The following IQCH variants were observed in gnomAD, a reference collection of about 807,000 sequenced individuals.
The protein encoded by IQCH is IQ motif containing H.
In IQCH, 98 loss-of-function variants were observed where a neutral mutation model predicts 117.0. The observed-to-expected ratio is 0.84, with a 90% confidence interval of 0.71 to 0.99. IQCH has a LOEUF of 0.99. Ranked by LOEUF, IQCH falls within the 50% of genes least tolerant of loss-of-function variation. IQCH has a pLI of 0.00. For missense variants in IQCH, 1,102 were observed against 1,243.8 expected (o/e 0.89, Z 1.72); for synonymous variants, 412 against 448.2 (o/e 0.92, Z 1.02).
chr15:67,327,658 G>A (rs551490530), intron 4 of IQCH, among the ~76,000 whole-genome samples: 1 of 152,318 alleles, frequency 6.6e-6, no homozygotes, highest in South Asian at 2.1e-4. Context: ...TCTTATTCAA[G>A]TAGGCAGTTA....
rs1190534471 is a variant in IQCH, at chr15:67,356,973, A to G, written c.638-372A>G. Among the ~76,000 whole-genome samples, 1 of 152,094 alleles carries G rather than the reference A, an allele frequency of 6.6e-6. No homozygotes were observed. Among genetic ancestry groups the G allele is most frequent in the East Asian group, 1.9e-4 (1 of 5,194 alleles). On this transcript the variant is annotated intron_variant, in intron 6 of 20. Coordinates refer to ENST00000335894, the MANE Select transcript of IQCH (RefSeq NM_001031715.3). This position sits in a 1 kb window ranked among gnomAD's most constrained non-coding sequence, Gnocchi z 5.3. ...TCCATATGTAGCTATGTTAAATCAC[A>G]TTTTACATGAACCTGGGAATCTGGC... is the stretch of plus-strand genomic sequence containing the variant.
In IQCH at chr15:67,417,017, G is replaced by C. The variant is rs759039728; in HGVS notation, c.2184G>C (p.Thr728=). The change falls in exon 15 of 21, where the codon ACG becomes ACC. Residue 728 remains threonine (T), a synonymous_variant. Coordinates refer to ENST00000335894, the MANE Select transcript of IQCH (RefSeq NM_001031715.3). This position sits in a 1 kb window ranked among gnomAD's most constrained non-coding sequence, Gnocchi z 4.3. ...CAGTCAATGAGAAACGGTTCCCGAC[G>C]TGGAGGAAATTCCTCCAAACATTTC... The part of the protein sequence containing the change: ...AQPVNEKRFP[T]WRKFLQTFLS... The C allele has an allele frequency of 2.5e-6, 4 of 1,609,770 alleles. No individual in the cohort carries two copies. Among genetic ancestry groups the C allele is most frequent in the Non-Finnish European group, 3.4e-6 (4 of 1,178,134 alleles).
rs755969974 is a variant in IQCH, at chr15:67,372,602, A to G, written c.1245A>G (p.Leu415=). 6.8e-6 allele frequency: 11 copies of G among 1,613,898 alleles called. No homozygotes were observed. Among genetic ancestry groups the G allele is most frequent in the South Asian group, 2.2e-5 (2 of 91,004 alleles). Residue 415 remains leucine, a synonymous_variant, in exon 9 of 21, where the codon CTA becomes CTG. Coordinates refer to ENST00000335894, the MANE Select transcript of IQCH (RefSeq NM_001031715.3). ...TGTTATATTGCCATAAGACTCGACT[A>G]AAGAAGATACTAAAGGAATCACGTC... ...AWLLYCHKTR[L]KKILKESRQR...
rs1596503320 is a variant in IQCH at position 67,496,757 on chromosome 15, G to A, written c.2970+2391G>A. ...GTATCGGCCGGGCACGGTGGCTCAC[G>A]CCTGTAATCCCAGCACTTTGGGAGG... On this transcript the variant is annotated intron_variant, in intron 20 of 20. Transcript: ENST00000335894. This position sits in a 1 kb window ranked among gnomAD's most constrained non-coding sequence, Gnocchi z 4.4. Among the ~76,000 whole-genome samples the A allele has an allele frequency of 1.3e-5, 2 of 151,932 alleles. No homozygotes were observed. Among genetic ancestry groups the A allele is most frequent in the Non-Finnish European group, 2.9e-5 (2 of 67,970 alleles).
rs2081448855 is a variant in IQCH at position 67,411,468 on chromosome 15, G to T, written c.2098-5463G>T. ...TTCACTCTCCAGTCCTTCATGTAGG[G>T]ATGTCAGAAAGCATCTAGAAATCAG... On this transcript the variant is annotated intron_variant, in intron 14 of 20. Transcript: ENST00000335894. The surrounding 1 kb of genome is among the most constrained non-coding windows in gnomAD (Gnocchi z 4.4). Among the ~76,000 whole-genome samples the T allele has an allele frequency of 6.6e-6, 1 of 152,198 alleles. No individual in the cohort carries two copies. Among genetic ancestry groups the T allele is most frequent in the South Asian group, 2.1e-4 (1 of 4,828 alleles).
chr15:67,298,411 C>T (rs143175642), intron 4 of IQCH, among the ~76,000 whole-genome samples: 230 of 151,904 alleles, frequency 1.5e-3, no homozygotes, highest in African/African-American at 5.4e-3. Flanking sequence ...CAAATCAAAA[C>T]TACAATGAGA....
chr15:67,489,981 T>G (rs778135658), intron 18 of IQCH, 22 bp from the exon 19 acceptor site: 1 of 1,518,346 alleles, frequency 6.6e-7, no homozygotes, highest in Non-Finnish European at 9.1e-7. Flanking sequence ...CTATTTCTTT[T>G]CTCCCCATTC....
At chr15:67,361,323 A>G (rs956451281) in intron 8 of IQCH, among the ~76,000 whole-genome samples, 1 of 152,134 alleles carries the variant, frequency 6.6e-6, no homozygotes, top group Admixed American at 6.5e-5. Flanking sequence ...CTCTGTTCCT[A>G]ATGTCTTAAG....
At chr15:67,389,464 T>A (rs1434377421) in intron 12 of IQCH, among the ~76,000 whole-genome samples, 1 of 152,114 alleles carries the variant, frequency 6.6e-6, no homozygotes, top group Admixed American at 6.5e-5. Flanking sequence ...TGGTTCCTAA[T>A]GAACAATGTT....
intron 5 of IQCH, among the ~76,000 whole-genome samples, chr15:67,338,195 A>ATATC (rs1968977948): frequency 8.8e-6 from 1 of 113,700 alleles, no homozygotes; most frequent in South Asian, 2.7e-4. Context: ...ATGAATCGAT[A>ATATC]TATCTGTCTG....
intron 10 of IQCH, among the ~76,000 whole-genome samples, chr15:67,378,168 CA>C (rs1020828719): frequency 1.4e-4 from 22 of 152,142 alleles, no homozygotes; most frequent in African/African-American, 4.8e-4. Context: ...CATTTGTGAA[CA>C]GGGGCAGAGT....
chr15:67,376,028 C>T lies in IQCH; in HGVS notation c.1372+2595C>T, dbSNP rs1970725211. Reference sequence around the variant, plus strand: ...TCTGGAACCCCTGACCTCAAGTGATCCACCAGCCTCGGCCTCCCAAAGTGC... The same window carrying T: ...TCTGGAACCCCTGACCTCAAGTGATTCACCAGCCTCGGCCTCCCAAAGTGC... On this transcript the variant is annotated intron_variant, in intron 10 of 20. Coordinates refer to ENST00000335894, the MANE Select transcript of IQCH (RefSeq NM_001031715.3). The surrounding 1 kb of genome is among the most constrained non-coding windows in gnomAD (Gnocchi z 5.0). Among the ~76,000 whole-genome samples the T allele has an allele frequency of 2.0e-5, 3 of 152,084 alleles. No individual in the cohort carries two copies. The highest frequency in any genetic ancestry group is 1.3e-4 in the Admixed American group (2 of 15,268).
chr15:67,365,559 G>C lies in IQCH; in HGVS notation c.753+5674G>C, dbSNP rs1970302966. ...TCTTGGGGTTTATATTTTAGTGAGAGAGGCAATAATCAGATATTTAATATA... is the reference window on the plus strand; with the variant it reads ...TCTTGGGGTTTATATTTTAGTGAGACAGGCAATAATCAGATATTTAATATA... On this transcript the variant is annotated intron_variant, in intron 8 of 20. Transcript: ENST00000335894. The surrounding 1 kb of genome is among the most constrained non-coding windows in gnomAD (Gnocchi z 4.4). Among the ~76,000 whole-genome samples the C allele has an allele frequency of 6.6e-6, 1 of 152,122 alleles. No individual in the cohort carries two copies. The highest frequency in any genetic ancestry group is 2.4e-5 in the African/African-American group (1 of 41,416).
rs1162201808 is a variant in IQCH at position 67,456,976 on chromosome 15, A to G, written c.2506-8151A>G. ...GCTGTGATTTAAGTCATGCCCAAAA[A>G]GATGAGTAGGATTAACAGAGACAGA... On this transcript the variant is annotated intron_variant, in intron 16 of 20. Transcript: ENST00000335894. The surrounding 1 kb of genome is among the most constrained non-coding windows in gnomAD (Gnocchi z 5.1). Among the ~76,000 whole-genome samples the G allele has an allele frequency of 1.3e-5, 2 of 152,310 alleles. No individual in the cohort carries two copies. Among genetic ancestry groups the G allele is most frequent in the African/African-American group, 4.8e-5 (2 of 41,568 alleles).
At chr15:67,319,877 CATACAT>C (rs1168576338) in intron 4 of IQCH, among the ~76,000 whole-genome samples, 1 of 152,214 alleles carries the variant, frequency 6.6e-6, no homozygotes, top group Non-Finnish European at 1.5e-5. Context: ...CTCTTACACA[CATACAT>C]ACACATACAA....
intron 16 of IQCH, among the ~76,000 whole-genome samples, chr15:67,455,285 G>A (rs1168628779): frequency 6.6e-6 from 1 of 152,068 alleles, no homozygotes; most frequent in Non-Finnish European, 1.5e-5. Flanking sequence ...TCCTCTCTAG[G>A]AATTTCCCAA....
rs1413741961 is a variant in IQCH, at chr15:67,497,353, C to G, written c.2970+2987C>G. On this transcript the variant is annotated intron_variant, in intron 20 of 20. Coordinates refer to ENST00000335894, the MANE Select transcript of IQCH (RefSeq NM_001031715.3). ...AAAAAGAAAGAAAGAAAAGAAAATC[C>G]TAAAGAACCCATCAACAAGTTTATA... is the stretch of plus-strand genomic sequence containing the variant. 3.9e-5 allele frequency among the ~76,000 whole-genome samples: 6 copies of G among 151,900 alleles called. No individual in the cohort carries two copies. The East Asian group carries it at 9.7e-4, about 24-fold the overall frequency.
At chr15:67,439,161 A>C (rs993381812) in intron 16 of IQCH, among the ~76,000 whole-genome samples, 1 of 152,252 alleles carries the variant, frequency 6.6e-6, no homozygotes, top group Non-Finnish European at 1.5e-5. Flanking sequence ...ATAGGCCATA[A>C]AACGAGCCTC....
intron 5 of IQCH, among the ~76,000 whole-genome samples, chr15:67,340,447 A>AC (rs1268065699): frequency 2.7e-3 from 397 of 146,340 alleles, no homozygotes; most frequent in Non-Finnish European, 3.9e-3. Context: ...AAAAAAAAAA[A>AC]AAAAAAAAAA....
Sources: gnomAD v4.1 joint callset for allele counts (sites outside exome capture counted in the v4.1 genomes callset) on GRCh38, gnomAD v4.1.1 for gene constraint, Gnocchi (gnomAD v3.1) non-coding constraint, MANE v1.5 for transcripts, NCBI Gene and HGNC (gene_info 2026-07-23, HGNC 2026-07-21) for gene names.